Variants in ZMIZ1 observed in about 807,000 individuals in gnomAD.
ZMIZ1 encodes the protein zinc finger MIZ domain-containing protein 1.
Under a neutral mutation model 113.9 loss-of-function variants are expected in ZMIZ1, and 17 were observed. That is an observed-to-expected ratio of 0.15 (90% confidence interval 0.10 to 0.22). The LOEUF (loss-of-function observed/expected upper bound fraction) is 0.22, where lower values mean the gene tolerates loss of function less well. Among genes scored for constraint, ZMIZ1 ranks in the 10% least tolerant of loss-of-function variants. ZMIZ1 has a pLI of 1.00. For synonymous variants in ZMIZ1, 607 were observed against 603.1 expected (o/e 1.01, Z -0.09); for missense variants, 1,059 against 1,477.8 (o/e 0.72, Z 4.65).
chr10:79,236,502 GCCGTTGCCGTCTCT>G (rs1326355273), intron 7 of ZMIZ1, among the ~76,000 whole-genome samples: 1 of 152,214 alleles, frequency 6.6e-6, no homozygotes. Context: ...CATTCGAGCT[GCCGTTGCCGTCTCT>G]TCCCTTCAAA....
rs554096453 is a variant in ZMIZ1 at position 79,248,552 on chromosome 10, G to A, written c.281-28629G>A. Among the ~76,000 whole-genome samples, 14 of 152,290 alleles carry A rather than the reference G, an allele frequency of 9.2e-5. No individual in the cohort carries two copies. The South Asian group carries it at 2.1e-3, about 23-fold the overall frequency. On this transcript the variant is annotated intron_variant, in intron 7 of 24. Coordinates refer to ENST00000334512, the MANE Select transcript of ZMIZ1 (RefSeq NM_020338.4). ...CGGGCATAGAAGTTGGGAGTAGTGC[G>A]AGGTCGGCGTCCTGCTGTGGGAATG...
rs1484767945 is a variant in ZMIZ1 at position 79,293,617 on chromosome 10, T to C, written c.1194T>C (p.Leu398=). The C allele has an allele frequency of 1.2e-6, 2 of 1,613,012 alleles. No homozygotes were observed. The highest frequency in any genetic ancestry group is 3.3e-5 in the Admixed American group (2 of 60,026). ...ACCCGGGCCCCCGGCCCCAGTCCCT[T>C]CCTATTCAGAACATAAAGAGGCCAT... ...QTYPGPRPQS[L]PIQNIKRPYP... The change falls in exon 12 of 25, where the codon CTT becomes CTC. Residue 398 remains leucine (L), a synonymous_variant. Coordinates refer to ENST00000334512, the MANE Select transcript of ZMIZ1 (RefSeq NM_020338.4).
chr10:79,095,820 T>G (rs10824714), intron 1 of ZMIZ1, among the ~76,000 whole-genome samples: 70,754 of 152,032 alleles, frequency 0.47, 17,028 homozygotes, highest in Non-Finnish European at 0.53. Context: ...ATCTTGGGGC[T>G]GCTGGGGTCC....
At chr10:79,206,281 A>T (rs998414826) in intron 5 of ZMIZ1, among the ~76,000 whole-genome samples, 1 of 152,164 alleles carries the variant, frequency 6.6e-6, no homozygotes, top group Admixed American at 6.5e-5. Flanking sequence ...TGGACCTCAG[A>T]GGCTACCCCT....
intron 4 of ZMIZ1, among the ~76,000 whole-genome samples, chr10:79,199,397 T>C (rs1265420626): frequency 1.3e-5 from 2 of 151,828 alleles, no homozygotes; most frequent in Non-Finnish European, 2.9e-5. Flanking sequence ...CCCCAGCTAC[T>C]TGGGATGCTG....
intron 3 of ZMIZ1, 106 bp from the exon 4 acceptor site, chr10:79,161,947 C>T: frequency 7.5e-6 from 3 of 398,696 alleles, no homozygotes; most frequent in East Asian, 3.6e-5. Flanking sequence ...CTTCAGAGTC[C>T]CCCTCTGTCA....
chr10:79,200,729 G>T (rs2802364), intron 4 of ZMIZ1, among the ~76,000 whole-genome samples: 1 of 151,934 alleles, frequency 6.6e-6, no homozygotes, highest in African/African-American at 2.4e-5. Flanking sequence ...TTCCAGGAGG[G>T]CAAAGTGAAA....
intron 19 of ZMIZ1, 142 bp downstream of exon 19, chr10:79,304,317 T>A: frequency 8.6e-7 from 1 of 1,169,264 alleles, no homozygotes; most frequent in Non-Finnish European, 1.2e-6. Flanking sequence ...CGTCACTCAT[T>A]AATTTCCGCC....
intron 1 of ZMIZ1, among the ~76,000 whole-genome samples, chr10:79,074,657 A>T (rs1262553974): frequency 6.6e-6 from 1 of 152,216 alleles, no homozygotes; most frequent in Non-Finnish European, 1.5e-5. Flanking sequence ...CTTCGGGCTG[A>T]GTCAGTCCCC....
chr10:79,142,954 G>A (rs997793117), intron 3 of ZMIZ1, among the ~76,000 whole-genome samples: 4 of 152,214 alleles, frequency 2.6e-5, no homozygotes, highest in African/African-American at 7.2e-5. Flanking sequence ...TTCCCAGGCC[G>A]CGAGTGAGTG....
At position 79,276,502 on chromosome 10, in the gene ZMIZ1, G is replaced by GC. The variant is rs1160554977; in HGVS notation, c.281-673dup. On this transcript the variant is annotated intron_variant, in intron 7 of 24. Transcript: ENST00000334512. ...GGCACCCCTGGCTGCCTCCTGCTTG[G>GC]CCCCCCACCACCCTGGCCACCCTCT... 3.3e-5 allele frequency among the ~76,000 whole-genome samples: 5 copies of GC among 152,170 alleles called. No individual in the cohort carries two copies. The East Asian group carries it at 5.8e-4, about 18-fold the overall frequency.
intron 1 of ZMIZ1, among the ~76,000 whole-genome samples, chr10:79,090,348 C>A (rs1378135851): frequency 6.6e-6 from 1 of 152,170 alleles, no homozygotes; most frequent in Non-Finnish European, 1.5e-5. Context: ...ACCTGGAGGC[C>A]CCCTGTGGCT....
chr10:79,311,708 G>C (rs984115077), intron 24 of ZMIZ1, among the ~76,000 whole-genome samples: 1 of 152,058 alleles, frequency 6.6e-6, no homozygotes, highest in African/African-American at 2.4e-5. Flanking sequence ...GGGCAGCCTT[G>C]GGTCACAGCC....
chr10:79,199,756 G>C (rs1847993393), intron 4 of ZMIZ1, among the ~76,000 whole-genome samples: 1 of 152,198 alleles, frequency 6.6e-6, no homozygotes, highest in Non-Finnish European at 1.5e-5. Context: ...CCCAGGACTC[G>C]ATATCTTTGT....
At chr10:79,154,094 C>T (rs775373240) in intron 3 of ZMIZ1, among the ~76,000 whole-genome samples, 8 of 152,200 alleles carry the variant, frequency 5.3e-5, no homozygotes, top group Non-Finnish European at 1.2e-4. Context: ...AATCCTTGAG[C>T]TGCAGTTAGC....
chr10:79,215,680 C>G (rs1313563964), intron 6 of ZMIZ1, among the ~76,000 whole-genome samples: 4 of 152,112 alleles, frequency 2.6e-5, no homozygotes, highest in South Asian at 4.1e-4. Flanking sequence ...AACAGGCCCC[C>G]CTGTGGTGCT....
At chr10:79,151,813 G>A (rs1488394762) in intron 3 of ZMIZ1, among the ~76,000 whole-genome samples, 1 of 152,204 alleles carries the variant, frequency 6.6e-6, no homozygotes, top group East Asian at 1.9e-4. Flanking sequence ...AGGCTGCAGT[G>A]GGCTGCGGGA....
intron 2 of ZMIZ1, among the ~76,000 whole-genome samples, chr10:79,129,148 T>C (rs1184449720): frequency 6.6e-6 from 1 of 152,174 alleles, no homozygotes; most frequent in East Asian, 1.9e-4. Context: ...AAGTACATTA[T>C]TTAATGTCAC....
chr10:79,301,870 T>A (rs778474268), intron 17 of ZMIZ1, among the ~76,000 whole-genome samples: 29 of 152,174 alleles, frequency 1.9e-4, no homozygotes, highest in Admixed American at 5.9e-4. Flanking sequence ...GCTTAAAGCC[T>A]TGTGTCCTAT....
Sources: allele counts gnomAD v4.1 joint callset (sites outside exome capture counted in the v4.1 genomes callset), GRCh38; gene constraint gnomAD v4.1.1; transcripts MANE v1.5; gene names NCBI Gene and HGNC (gene_info 2026-07-23, HGNC 2026-07-21).